The following EBF4 variants were observed in gnomAD, a reference collection of about 807,000 sequenced individuals.
EBF4 encodes EBF transcription factor 4.
Under a neutral mutation model 67.1 loss-of-function variants are expected in EBF4, and 34 were observed. The observed-to-expected ratio is 0.51, with a 90% confidence interval of 0.39 to 0.67. The LOEUF (loss-of-function observed/expected upper bound fraction) is 0.67, where lower values mean the gene tolerates loss of function less well. Ranked by LOEUF, EBF4 falls within the 30% of genes least tolerant of loss-of-function variation. The probability of loss-of-function intolerance (pLI) is 0.00; values close to 1 mark genes in which losing one functional copy is unlikely to be tolerated. For synonymous variants in EBF4, 387 were observed against 377.7 expected (o/e 1.02, Z -0.29); for missense variants, 837 against 873.3 (o/e 0.96, Z 0.52).
chr20:2,722,637 C>T (rs1456323414), intron 6 of EBF4, among the ~76,000 whole-genome samples: 2 of 152,208 alleles, frequency 1.3e-5, no homozygotes, highest in African/African-American at 2.4e-5. Context: ...TATGCCACAG[C>T]CTGAAAACAC....
In EBF4 at chr20:2,747,441, C is replaced by T. The variant is rs1166436045; in HGVS notation, c.558-1108C>T. Among the ~76,000 whole-genome samples, 1 of 151,992 alleles carries T rather than the reference C, an allele frequency of 6.6e-6. No homozygotes were observed. Among genetic ancestry groups the T allele is most frequent in the African/African-American group, 2.4e-5 (1 of 41,350 alleles). ...CCAACTGCCAGGAAGGAGAGGAGGACAAAGTGCTCATGTGTTTGTCTAAAA... is the reference window on the plus strand; with the variant it reads ...CCAACTGCCAGGAAGGAGAGGAGGATAAAGTGCTCATGTGTTTGTCTAAAA... On this transcript the variant is annotated intron_variant, in intron 6 of 16. Coordinates refer to ENST00000609451, the Ensembl canonical transcript of EBF4. The surrounding 1 kb of genome is among the most constrained non-coding windows in gnomAD (Gnocchi z 4.6).
At chr20:2,729,851 C>T (rs1025565225) in intron 6 of EBF4, among the ~76,000 whole-genome samples, 1 of 152,198 alleles carries the variant, frequency 6.6e-6, no homozygotes, top group Non-Finnish European at 1.5e-5. Flanking sequence ...TTTCCTCCCT[C>T]ACAGGGAGTG....
exon 6 of EBF4, chr20:2,709,588 G>C: frequency 6.4e-7 from 1 of 1,556,238 alleles, no homozygotes; most frequent in South Asian, 1.2e-5. Context: ...TGCTGTGACC[G>C]GAAGAGCTGT....
At chr20:2,750,275 G>C (rs2146500306) in intron 10 of EBF4, among the ~76,000 whole-genome samples, 1 of 151,398 alleles carries the variant, frequency 6.6e-6, no homozygotes, top group East Asian at 1.9e-4. Flanking sequence ...TGAACATTGT[G>C]TCTCCCGCCC....
At chr20:2,700,615 G>A (rs990047913) in intron 1 of EBF4, among the ~76,000 whole-genome samples, 7 of 152,138 alleles carry the variant, frequency 4.6e-5, no homozygotes, top group Non-Finnish European at 8.8e-5. Flanking sequence ...CTCATCAGGG[G>A]CCCTCAGACC....
intron 6 of EBF4, among the ~76,000 whole-genome samples, chr20:2,715,564 C>G (rs1018466926): frequency 8.5e-5 from 13 of 152,262 alleles, no homozygotes; most frequent in African/African-American, 2.9e-4. Flanking sequence ...GGTGGTTTGA[C>G]TAAGTAACAC....
Position 2,755,603 on chromosome 20 carries a change from GCCCCT to G in EBF4, c.1541-19_1541-15del. The G allele has an allele frequency of 7.4e-6, 8 of 1,077,710 alleles. No individual in the cohort carries two copies. Among genetic ancestry groups the G allele is most frequent in the Non-Finnish European group, 1.1e-5 (8 of 723,182 alleles). 66.8% of individuals were successfully genotyped at this position (1,077,710 alleles called of 1,614,324 possible). A position where few individuals can be genotyped will look rare whatever the true frequency, so the allele number is the denominator to read the frequency against. On this transcript the variant is annotated intron_variant, in intron 14 of 16. Transcript: ENST00000609451. This position sits in a 1 kb window ranked among gnomAD's most constrained non-coding sequence, Gnocchi z 4.7. Reference sequence around the variant, plus strand: ...TCCCACCACCTTCCCTGCTGCGCCTGCCCCTCCCCGCCCCGCCCCGGAGTCATGCC... The same window carrying G: ...TCCCACCACCTTCCCTGCTGCGCCTGCCCCGCCCCGCCCCGGAGTCATGCC...
At chr20:2,748,591 G>A in exon 7 of EBF4, 1 of 1,551,590 alleles carries the variant, frequency 6.4e-7, no homozygotes, top group Non-Finnish European at 8.7e-7. Context: ...AGAACTGCCT[G>A]AAGAATGCGG....
Position 2,755,705 on chromosome 20 carries a change from C to T in EBF4, c.1619C>T (p.Ser540Phe). ...GCTGCCCCCACCACCAGCGTGTTCT[C>T]CTTCTCGCCTGTCAACATGATCTCC... The change falls in exon 15 of 17, where the codon TCC becomes TTC. Residue 540 changes from serine (S) to phenylalanine (F), a missense_variant. Coordinates refer to ENST00000609451, the Ensembl canonical transcript of EBF4. The surrounding 1 kb of genome is among the most constrained non-coding windows in gnomAD (Gnocchi z 4.7). 1 of 1,550,368 alleles carries T rather than the reference C, an allele frequency of 6.5e-7. No homozygotes were observed. The highest frequency in any genetic ancestry group is 8.7e-7 in the Non-Finnish European group (1 of 1,146,608).
intron 6 of EBF4, among the ~76,000 whole-genome samples, chr20:2,716,081 G>C (rs1222229959): frequency 6.6e-6 from 1 of 151,900 alleles, no homozygotes; most frequent in Non-Finnish European, 1.5e-5. Flanking sequence ...AATCTTGCCA[G>C]GCACAATAGC....
At chr20:2,714,144 G>C (rs1031506573) in intron 6 of EBF4, among the ~76,000 whole-genome samples, 1 of 152,090 alleles carries the variant, frequency 6.6e-6, no homozygotes, top group Non-Finnish European at 1.5e-5. Flanking sequence ...TCGTGTAAGC[G>C]AACAGCAGTA....
chr20:2,759,110 G>T, intron 16 of EBF4, 126 bp downstream of exon 16: 1 of 948,306 alleles, frequency 1.1e-6, no homozygotes, highest in East Asian at 2.7e-5. Context: ...GGGAGCTGGG[G>T]TCCAAGTCTT....
chr20:2,710,766 G>A (rs2087532074), intron 6 of EBF4, among the ~76,000 whole-genome samples: 1 of 152,098 alleles, frequency 6.6e-6, no homozygotes, highest in African/African-American at 2.4e-5. Context: ...AGTTTCTGTT[G>A]TATCCTTCCT....
rs71193988 is a variant in EBF4 at position 2,705,785 on chromosome 20, CCACACACACACACACACACACACACA to C, written c.294+80_294+105del. 7.6e-5 allele frequency: 57 copies of C among 752,260 alleles called. 1 individual carries two copies. The highest frequency in any genetic ancestry group is 2.6e-4 in the African/African-American group (14 of 54,468). 46.6% of individuals were successfully genotyped at this position (752,260 alleles called of 1,614,324 possible). On this transcript the variant is annotated intron_variant, in intron 2 of 16. Coordinates refer to ENST00000609451, the Ensembl canonical transcript of EBF4. Reference sequence around the variant, plus strand: ...ACTGGCCCCGGGAGGGAACCCCCAACCACACACACACACACACACACACACACACACACACACACACACACACACAC... The same window carrying C: ...ACTGGCCCCGGGAGGGAACCCCCAACCACACACACACACACACACACACAC...
intron 1 of EBF4, among the ~76,000 whole-genome samples, chr20:2,702,961 G>C (rs1568566626): frequency 6.6e-6 from 1 of 152,114 alleles, no homozygotes; most frequent in Non-Finnish European, 1.5e-5. Flanking sequence ...CAACAAAAGT[G>C]CTCCGTAGTC....
At chr20:2,705,429 G>A in intron 1 of EBF4, 148 bp from the exon 2 acceptor site, 1 of 1,084,756 alleles carries the variant, frequency 9.2e-7, no homozygotes, top group Non-Finnish European at 1.3e-6. Context: ...TGGTCAGGCT[G>A]GAAAGGGCCT....
intron 1 of EBF4, among the ~76,000 whole-genome samples, chr20:2,694,775 C>T (rs969686046): frequency 6.6e-6 from 1 of 152,160 alleles, no homozygotes; most frequent in Non-Finnish European, 1.5e-5. Flanking sequence ...CGCAGGACGC[C>T]TCAACCTCAC....
chr20:2,704,586 T>G (rs2087424423), intron 1 of EBF4, among the ~76,000 whole-genome samples: 1 of 152,246 alleles, frequency 6.6e-6, no homozygotes, highest in Non-Finnish European at 1.5e-5. Context: ...TCTGTTGAGC[T>G]CCTGTTTATT....
At chr20:2,724,851 C>T (rs972753839) in intron 6 of EBF4, among the ~76,000 whole-genome samples, 1 of 152,136 alleles carries the variant, frequency 6.6e-6, no homozygotes, top group Non-Finnish European at 1.5e-5. Flanking sequence ...TTACAGTGAG[C>T]TATGATGGCA....
Sources: allele counts gnomAD v4.1 joint callset (sites outside exome capture counted in the v4.1 genomes callset), GRCh38; gene constraint gnomAD v4.1.1; non-coding constraint Gnocchi (gnomAD v3.1); transcripts MANE v1.5; gene names NCBI Gene and HGNC (gene_info 2026-07-23, HGNC 2026-07-21).